EHBP1: variants seen among roughly 807,000 people sequenced by gnomAD.
The protein encoded by EHBP1 is EH domain binding protein 1.
EHBP1 carries 55 observed loss-of-function variants against 144.0 expected under a neutral mutation model. That is an observed-to-expected ratio of 0.38 (90% CI 0.31 to 0.48). The LOEUF (loss-of-function observed/expected upper bound fraction) is 0.48, where lower values mean the gene tolerates loss of function less well. Ranked by LOEUF, EHBP1 falls within the 20% of genes least tolerant of loss-of-function variation. The probability of loss-of-function intolerance (pLI) is 0.98; values close to 1 mark genes in which losing one functional copy is unlikely to be tolerated. For missense variants in EHBP1, 1,200 were observed against 1,364.2 expected (o/e 0.88, Z 1.90); for synonymous variants, 469 against 472.7 (o/e 0.99, Z 0.10).
intron 2 of EHBP1, among the ~76,000 whole-genome samples, chr2:62,725,417 C>T (rs981018918): frequency 1.3e-5 from 2 of 152,132 alleles, no homozygotes; most frequent in African/African-American, 2.4e-5. Context: ...CGTGGGGATG[C>T]GGGGGCCCCC....
At chr2:62,995,892 G>T (rs2059611711) in intron 18 of EHBP1, among the ~76,000 whole-genome samples, 1 of 151,974 alleles carries the variant, frequency 6.6e-6, no homozygotes, top group Non-Finnish European at 1.5e-5. Context: ...GGTTCAAAAA[G>T]TAAATTTTCA....
chr2:63,028,351 G>A (rs1366786620), intron 19 of EHBP1, among the ~76,000 whole-genome samples: 1 of 152,176 alleles, frequency 6.6e-6, no homozygotes, highest in Non-Finnish European at 1.5e-5. Context: ...TACTGTGCAG[G>A]CAGCTAATTG....
At chr2:62,886,787 T>C (rs1049065608) in intron 10 of EHBP1, among the ~76,000 whole-genome samples, 1 of 152,208 alleles carries the variant, frequency 6.6e-6, no homozygotes, top group Non-Finnish European at 1.5e-5. Context: ...AAAGCTACCC[T>C]TCCTTCAGTG....
chr2:62,955,663 G>A lies in EHBP1; in HGVS notation c.2460+3G>A. On this transcript the variant is annotated splice_donor_region_variant and intron_variant, in intron 14 of 22. Coordinates refer to ENST00000431489, the MANE Select transcript of EHBP1 (RefSeq NM_001142616.3). ...TCTGCAACAGGCAGCTAAGTGATGTGAGGAGCATTGGTTAAAAAAGACCAT... is the reference window on the plus strand; with the variant it reads ...TCTGCAACAGGCAGCTAAGTGATGTAAGGAGCATTGGTTAAAAAAGACCAT... 2 of 1,604,204 alleles carry A rather than the reference G, an allele frequency of 1.2e-6. No individual in the cohort carries two copies. Among genetic ancestry groups the A allele is most frequent in the African/African-American group, 1.3e-5 (1 of 74,608 alleles).
chr2:62,756,393 G>T (rs2040282846), intron 3 of EHBP1, among the ~76,000 whole-genome samples: 1 of 152,158 alleles, frequency 6.6e-6, no homozygotes, highest in African/African-American at 2.4e-5. Flanking sequence ...GAATACGTTA[G>T]AATCATTGTG....
Position 62,993,577 on chromosome 2 carries a change from A to G in EHBP1, c.2781A>G (p.Glu927=), listed in dbSNP as rs1377116515. The G allele has an allele frequency of 2.5e-6, 4 of 1,607,408 alleles. No homozygotes were observed. Among genetic ancestry groups the G allele is most frequent in the Admixed American group, 1.7e-5 (1 of 59,756 alleles). ...LRTERLQKTT[E]RFRNPVVFSK... ...CTGAACGATTACAAAAAACAACAGA[A>G]CGTTTTAGAAATCCTGTTGTGTTCA... Residue 927 remains glutamate (E), a synonymous_variant, in exon 17 of 23, where the codon GAA becomes GAG. Coordinates refer to ENST00000431489, the MANE Select transcript of EHBP1 (RefSeq NM_001142616.3).
In EHBP1 at chr2:62,979,216, T is replaced by TGA. The variant is rs1321228445; in HGVS notation, c.2499_2500dup (p.Ala834GlufsTer5). 2 of 1,613,148 alleles carry TGA rather than the reference T, an allele frequency of 1.2e-6. No homozygotes were observed. The highest frequency in any genetic ancestry group is 1.7e-6 in the Non-Finnish European group (2 of 1,179,546). On this transcript the variant is annotated frameshift_variant, in exon 15 of 23. Transcript: ENST00000431489. LOFTEE classifies it high-confidence loss of function. ...CAAGATGAAGAGCGACGTCGGCAGCTGAGAGAGAGAGCTCGTCAGCTAATA... is the reference window on the plus strand; with the variant it reads ...CAAGATGAAGAGCGACGTCGGCAGCTGAGAGAGAGAGAGCTCGTCAGCTAATA...
chr2:62,769,261 A>G (rs1013093252), intron 4 of EHBP1, among the ~76,000 whole-genome samples: 3 of 152,190 alleles, frequency 2.0e-5, no homozygotes, highest in African/African-American at 4.8e-5. Flanking sequence ...AAAATACCCC[A>G]TAGTCTCAGC....
chr2:62,866,007 G>A (rs537348825), intron 9 of EHBP1, among the ~76,000 whole-genome samples: 3 of 152,316 alleles, frequency 2.0e-5, no homozygotes, highest in Admixed American at 6.5e-5. Context: ...CAGAGCTTGC[G>A]TGTGAGGAAA....
chr2:63,019,533 C>T (rs1287553415), intron 19 of EHBP1, among the ~76,000 whole-genome samples: 1 of 151,846 alleles, frequency 6.6e-6, no homozygotes, highest in East Asian at 1.9e-4. Flanking sequence ...ATGGTGAAAC[C>T]CCGTCTCTAC....
intron 5 of EHBP1, among the ~76,000 whole-genome samples, chr2:62,816,778 T>C (rs1157847952): frequency 2.0e-5 from 3 of 152,200 alleles, no homozygotes; most frequent in Non-Finnish European, 4.4e-5. Flanking sequence ...ACAGTGCTTT[T>C]GGAATAGCTT....
chr2:62,968,508 C>G (rs1280190099), intron 14 of EHBP1, among the ~76,000 whole-genome samples: 1 of 151,964 alleles, frequency 6.6e-6, no homozygotes, highest in Non-Finnish European at 1.5e-5. Flanking sequence ...AAAAATATCA[C>G]AATATAAAAC....
At chr2:62,711,708 G>A (rs898171079) in intron 2 of EHBP1, among the ~76,000 whole-genome samples, 1 of 152,148 alleles carries the variant, frequency 6.6e-6, no homozygotes, top group Non-Finnish European at 1.5e-5. Flanking sequence ...AAGGAGACAG[G>A]AAACAAGCAG....
chr2:62,750,815 A>T (rs1224700859), intron 3 of EHBP1, among the ~76,000 whole-genome samples: 2 of 152,044 alleles, frequency 1.3e-5, no homozygotes, highest in Non-Finnish European at 1.5e-5. Flanking sequence ...AATGCTTGTG[A>T]TTTTTGCGCA....
intron 2 of EHBP1, among the ~76,000 whole-genome samples, chr2:62,721,327 A>G (rs1294441831): frequency 6.6e-6 from 1 of 152,198 alleles, no homozygotes; most frequent in African/African-American, 2.4e-5. Context: ...ACATAATATG[A>G]TATACCACAT....
At chr2:62,678,223 T>C (rs1354967527) in intron 1 of EHBP1, among the ~76,000 whole-genome samples, 1 of 152,262 alleles carries the variant, frequency 6.6e-6, no homozygotes, top group Non-Finnish European at 1.5e-5. Flanking sequence ...TTTTCATTTC[T>C]CTGATGATCA....
intron 19 of EHBP1, among the ~76,000 whole-genome samples, chr2:62,997,750 A>G (rs562416544): frequency 1.8e-4 from 27 of 152,250 alleles, no homozygotes; most frequent in African/African-American, 5.3e-4. Flanking sequence ...TATATGGGAC[A>G]TTTGAAAATG....
At chr2:62,744,108 G>T (rs2038947643) in intron 2 of EHBP1, among the ~76,000 whole-genome samples, 1 of 152,104 alleles carries the variant, frequency 6.6e-6, no homozygotes, top group Non-Finnish European at 1.5e-5. Flanking sequence ...CCTTTAGACA[G>T]ATTTCACAGG....
rs571742227 is a variant in EHBP1 at position 63,034,616 on chromosome 2, CTCTTTT to C, written c.3104-2911_3104-2906del. Among the ~76,000 whole-genome samples, 4 of 151,986 alleles carry C rather than the reference CTCTTTT, an allele frequency of 2.6e-5. No homozygotes were observed. The East Asian group carries it at 7.7e-4, about 29-fold the overall frequency. On this transcript the variant is annotated intron_variant, in intron 19 of 22. Transcript: ENST00000431489. ...TTTTCTAGCAGTGCCAGAATACAAC[CTCTTTT>C]TCTTTTTGCACTAACAAGACTGCTT...
Sources: gnomAD v4.1 joint callset for allele counts (sites outside exome capture counted in the v4.1 genomes callset) on GRCh38, gnomAD v4.1.1 for gene constraint, MANE v1.5 for transcripts, NCBI Gene and HGNC (gene_info 2026-07-23, HGNC 2026-07-21) for gene names.